Variants in TUSC3 observed in about 807,000 individuals in gnomAD.
The protein encoded by TUSC3 is dolichyl-diphosphooligosaccharide--protein glycosyltransferase subunit TUSC3.
TUSC3 carries 45 observed loss-of-function variants against 44.8 expected under a neutral mutation model. The observed-to-expected ratio is 1.00, with a 90% CI of 0.79 to 1.29. The LOEUF (loss-of-function observed/expected upper bound fraction) is 1.29. TUSC3 is among the 50% of genes most tolerant of loss of function. TUSC3 has a pLI of 0.00. For missense variants in TUSC3, 519 were observed against 437.9 expected, an observed-to-expected ratio of 1.19 and a Z score of -1.65; for synonymous variants, 212 against 152.9, an observed-to-expected ratio of 1.39 and a Z score of -2.85.
chr8:15,576,852 G>T (rs200071412), intron 1 of TUSC3, among the ~76,000 whole-genome samples: 25,626 of 128,844 alleles, frequency 0.2, 2,463 homozygotes, highest in Middle Eastern at 0.24. Flanking sequence ...GGGTCAAATG[G>T]TATTTCTAGT....
In TUSC3 at chr8:15,440,355, G is replaced by A. The variant is rs143670614; in HGVS notation, n.91+23050G>A. ...GAAAGGGAAGGAGAGGTGGGAGGTG[G>A]GCCCAAGTAGAAACCCAGAATGATT... On this transcript the variant is annotated intron_variant and non_coding_transcript_variant, in intron 1 of 5. Coordinates refer to the TUSC3 transcript ENST00000503191. 2.8e-3 allele frequency among the ~76,000 whole-genome samples: 423 copies of A among 152,176 alleles called. 2 individuals carry two copies. The highest frequency in any genetic ancestry group is 9.2e-3 in the African/African-American group (383 of 41,516).
the TUSC3 span, among the ~76,000 whole-genome samples, chr8:15,833,677 G>C: frequency 9.1e-6 from 1 of 109,344 alleles, no homozygotes; most frequent in African/African-American, 2.6e-5. Context: ...AGAGACACTA[G>C]GACCTAACAA....
At position 15,694,958 on chromosome 8, in the gene TUSC3, G is replaced by C. The variant is rs1397964649; in HGVS notation, c.798+21122G>C. Reference sequence around the variant, plus strand: ...TGCTCGTTGCCCAAGCTGAGGTATTGGGTGTGCTGGTGTGGTGGCATCCAA... The same window carrying C: ...TGCTCGTTGCCCAAGCTGAGGTATTCGGTGTGCTGGTGTGGTGGCATCCAA... On this transcript the variant is annotated intron_variant, in intron 6 of 10. Coordinates refer to ENST00000503731, the MANE Select transcript of TUSC3 (RefSeq NM_006765.4). Among the ~76,000 whole-genome samples, 4 of 152,318 alleles carry C rather than the reference G, an allele frequency of 2.6e-5. No homozygotes were observed. In the East Asian group the frequency reaches 5.8e-4, roughly 22 times the overall value.
the TUSC3 span, among the ~76,000 whole-genome samples, chr8:15,831,725 T>A: frequency 6.6e-6 from 1 of 151,846 alleles, no homozygotes; most frequent in South Asian, 2.1e-4. Context: ...AATAAGACAG[T>A]CAGACAAGAG....
chr8:15,764,190 C>T lies in TUSC3; in HGVS notation c.*47-13C>T. ...TCTATGTTCAGCACATAATAATTTT[C>T]TTTCTTTTTCAGCTTTTTAATTAAA... On this transcript the variant is annotated splice_polypyrimidine_tract_variant and intron_variant, in intron 10 of 10. Transcript: ENST00000503731. 6.2e-7 allele frequency: 1 copy of T among 1,600,914 alleles called. No homozygotes were observed. The highest frequency in any genetic ancestry group is 8.5e-7 in the Non-Finnish European group (1 of 1,169,682).
At chr8:15,463,032 C>G (rs372167068) in intron 1 of TUSC3, among the ~76,000 whole-genome samples, 9 of 152,112 alleles carry the variant, frequency 5.9e-5, no homozygotes, top group African/African-American at 2.2e-4. Flanking sequence ...TCTCCTCCTC[C>G]TCATCTTCCT....
At chr8:15,699,207 A>G (rs1809294820) in intron 6 of TUSC3, among the ~76,000 whole-genome samples, 1 of 152,216 alleles carries the variant, frequency 6.6e-6, no homozygotes, top group Non-Finnish European at 1.5e-5. Flanking sequence ...TATAACTAGC[A>G]ATCATTTAAC....
intron 1 of TUSC3, among the ~76,000 whole-genome samples, chr8:15,613,252 T>A (rs1804841479): frequency 6.6e-6 from 1 of 151,194 alleles, no homozygotes; most frequent in Non-Finnish European, 1.5e-5. Flanking sequence ...TTTAAGTAAA[T>A]TTAGCACAGT....
chr8:15,621,774 G>T (rs1398395712), intron 1 of TUSC3, among the ~76,000 whole-genome samples: 1 of 139,952 alleles, frequency 7.1e-6, no homozygotes, highest in African/African-American at 2.5e-5. Context: ...GCAAAATTGG[G>T]TCTTTTAAAA....
the TUSC3 span, among the ~76,000 whole-genome samples, chr8:15,822,182 T>C: frequency 6.8e-6 from 1 of 147,234 alleles, no homozygotes; most frequent in Non-Finnish European, 1.5e-5. Flanking sequence ...ACGCTACAAA[T>C]AGAAAAAAAC....
chr8:15,687,676 T>A (rs1311455531), intron 6 of TUSC3, among the ~76,000 whole-genome samples: 2 of 152,184 alleles, frequency 1.3e-5, no homozygotes, highest in Non-Finnish European at 2.9e-5. Context: ...CTATCTATGA[T>A]CCTGCCAATT....
At chr8:15,595,737 A>G (rs1667991407) in intron 1 of TUSC3, among the ~76,000 whole-genome samples, 2 of 152,276 alleles carry the variant, frequency 1.3e-5, no homozygotes, top group South Asian at 2.1e-4. Context: ...ACAATGTAGC[A>G]CTTATTTTAG....
At chr8:15,450,495 C>T (rs1039428087) in intron 1 of TUSC3, among the ~76,000 whole-genome samples, 1 of 152,030 alleles carries the variant, frequency 6.6e-6, no homozygotes, top group African/African-American at 2.4e-5. Context: ...CCCAGCCTGA[C>T]CAAGATGGTG....
intron 2 of TUSC3, among the ~76,000 whole-genome samples, chr8:15,627,002 C>T (rs371264928): frequency 5.9e-5 from 9 of 152,164 alleles, no homozygotes; most frequent in African/African-American, 1.7e-4. Flanking sequence ...CTGCCGGTCC[C>T]GTTGAACAGA....
intron 5 of TUSC3, among the ~76,000 whole-genome samples, chr8:15,669,230 T>G (rs1354824480): frequency 6.6e-6 from 1 of 151,854 alleles, no homozygotes; most frequent in Non-Finnish European, 1.5e-5. Flanking sequence ...AAAGTCTTCA[T>G]ACTCCAGTAT....
At chr8:15,431,663 T>G (rs1000023790) in intron 1 of TUSC3, among the ~76,000 whole-genome samples, 9 of 151,720 alleles carry the variant, frequency 5.9e-5, no homozygotes, top group Non-Finnish European at 1.2e-4. Flanking sequence ...GATTCCATTT[T>G]TTCTTGACTA....
intron 1 of TUSC3, among the ~76,000 whole-genome samples, chr8:15,482,338 T>C (rs560745130): frequency 1.3e-5 from 2 of 152,324 alleles, no homozygotes; most frequent in South Asian, 4.1e-4. Flanking sequence ...TGATTTCCTT[T>C]CATGAATCAC....
At chr8:15,504,613 ATATATATATTTTT>A (rs1421274586) in intron 2 of TUSC3, among the ~76,000 whole-genome samples, 19 of 20,730 alleles carry the variant, frequency 9.2e-4, no homozygotes, top group South Asian at 2.1e-3. Context: ...ATATATATAT[ATATATATATTTTT>A]TTTTTTTTTT....
At chr8:15,777,672 A>T in the TUSC3 span, among the ~76,000 whole-genome samples, 5 of 152,298 alleles carry the variant, frequency 3.3e-5, no homozygotes, top group South Asian at 1.0e-3. Flanking sequence ...TCATAAGACA[A>T]GTATACACTT....
Sources: allele counts gnomAD v4.1 joint callset (sites outside exome capture counted in the v4.1 genomes callset), GRCh38; gene constraint gnomAD v4.1.1; transcripts MANE v1.5; gene names NCBI Gene and HGNC (gene_info 2026-07-23, HGNC 2026-07-21).